PTPRD: variants seen among roughly 807,000 people sequenced by gnomAD.
PTPRD encodes receptor-type tyrosine-protein phosphatase delta.
PTPRD carries 34 observed loss-of-function variants against 214.5 expected under a neutral mutation model. The ratio of observed to expected loss-of-function variants is 0.16; its 90% CI spans 0.12 to 0.21. The LOEUF (loss-of-function observed/expected upper bound fraction) is 0.21. PTPRD is among the 10% of genes least tolerant of loss of function. The pLI is 1.00. For synonymous variants in PTPRD, 1,128 were observed against 845.7 expected (o/e 1.33, Z -5.79); for missense variants, 2,545 against 2,398.7 (o/e 1.06, Z -1.27).
At chr9:9,505,619 C>G (rs1427685912) in intron 8 of PTPRD, among the ~76,000 whole-genome samples, 1 of 151,462 alleles carries the variant, frequency 6.6e-6, no homozygotes, top group Non-Finnish European at 1.5e-5. Context: ...AATGGCCATA[C>G]TGCATTCTAT....
rs181044119 is a variant in PTPRD, at chr9:9,115,309, T to C, written c.-143+67995A>G. Among the ~76,000 whole-genome samples the C allele has an allele frequency of 7.2e-5, 11 of 152,160 alleles. No homozygotes were observed. In the East Asian group the frequency reaches 1.9e-3, roughly 27 times the overall value. ...GAAAATAATCTTACATAGAGGATAA[T>C]TATTTCCATGACATGAACAGACATT... is the stretch of plus-strand genomic sequence containing the variant. On this transcript the variant is annotated intron_variant, in intron 10 of 45. Coordinates refer to ENST00000381196, the MANE Select transcript of PTPRD (RefSeq NM_002839.4).
chr9:9,975,940 G>A (rs1324079642), intron 4 of PTPRD, among the ~76,000 whole-genome samples: 1 of 152,164 alleles, frequency 6.6e-6, no homozygotes, highest in Non-Finnish European at 1.5e-5. Flanking sequence ...TGCTACTAAC[G>A]TTAAGTGAAC....
chr9:10,218,675 A>C (rs1167413250), intron 3 of PTPRD, among the ~76,000 whole-genome samples: 1 of 151,828 alleles, frequency 6.6e-6, no homozygotes, highest in Non-Finnish European at 1.5e-5. Flanking sequence ...ATAATTGGAG[A>C]GTATACTCCA....
At chr9:9,661,377 T>C (rs1014618365) in intron 7 of PTPRD, among the ~76,000 whole-genome samples, 1 of 151,908 alleles carries the variant, frequency 6.6e-6, no homozygotes, top group African/African-American at 2.4e-5. Flanking sequence ...ATTCAGTTCA[T>C]CTCTTTCTTA....
At chr9:8,713,658 GCACCGCGCCC>G in intron 12 of PTPRD, 1 of 1,516,508 alleles carries the variant, frequency 6.6e-7, no homozygotes, top group Non-Finnish European at 9.1e-7. Flanking sequence ...TGGGCGCCCG[GCACCGCGCCC>G]GGGCCCACTC....
chr9:9,562,601 C>G (rs1785428561), intron 8 of PTPRD, among the ~76,000 whole-genome samples: 1 of 152,126 alleles, frequency 6.6e-6, no homozygotes, highest in Admixed American at 6.5e-5. Context: ...GCACTGTCCT[C>G]TTTGCTATTT....
chr9:8,361,197 CA>C (rs1176672155), intron 39 of PTPRD, among the ~76,000 whole-genome samples: 5 of 152,114 alleles, frequency 3.3e-5, no homozygotes, highest in African/African-American at 4.8e-5. Context: ...AATGAAGTAG[CA>C]GAACATTTTA....
At chr9:9,240,676 T>G (rs1398993106) in intron 9 of PTPRD, among the ~76,000 whole-genome samples, 1 of 152,180 alleles carries the variant, frequency 6.6e-6, no homozygotes, top group Non-Finnish European at 1.5e-5. Flanking sequence ...CAGTAAGTGA[T>G]GCTAAACTTT....
At chr9:8,595,369 A>G (rs2094424768) in intron 14 of PTPRD, among the ~76,000 whole-genome samples, 1 of 152,154 alleles carries the variant, frequency 6.6e-6, no homozygotes, top group Non-Finnish European at 1.5e-5. Context: ...GCTTATTTGA[A>G]CCATATACCT....
intron 5 of PTPRD, among the ~76,000 whole-genome samples, chr9:9,818,226 A>G (rs912359): frequency 0.56 from 84,375 of 151,488 alleles, 26,302 homozygotes; most frequent in East Asian, 0.88. Context: ...TAAATGGTGA[A>G]ATCTCCAAAA....
intron 8 of PTPRD, among the ~76,000 whole-genome samples, chr9:9,429,905 A>C (rs1040622891): frequency 3.3e-5 from 5 of 152,302 alleles, no homozygotes; most frequent in Admixed American, 6.5e-5. Flanking sequence ...TGTATCTCAA[A>C]ATAATAATAG....
At chr9:8,559,183 G>T (rs1437680781) in intron 14 of PTPRD, among the ~76,000 whole-genome samples, 1 of 152,130 alleles carries the variant, frequency 6.6e-6, no homozygotes, top group Non-Finnish European at 1.5e-5. Flanking sequence ...ATAAGTTCTA[G>T]CATTCAATAG....
At chr9:10,230,968 T>C (rs1346185776) in intron 3 of PTPRD, among the ~76,000 whole-genome samples, 3 of 151,946 alleles carry the variant, frequency 2.0e-5, no homozygotes, top group African/African-American at 7.2e-5. Flanking sequence ...CTACTTGAAG[T>C]TCCTTTGGGT....
At chr9:10,171,184 A>G (rs534728918) in intron 3 of PTPRD, among the ~76,000 whole-genome samples, 1 of 152,260 alleles carries the variant, frequency 6.6e-6, no homozygotes, top group South Asian at 2.1e-4. Context: ...CAACTTCTTA[A>G]ATACTCATTT....
intron 2 of PTPRD, among the ~76,000 whole-genome samples, chr9:10,401,008 A>T (rs919269412): frequency 1.3e-5 from 2 of 151,646 alleles, no homozygotes; most frequent in African/African-American, 4.8e-5. Context: ...TCAGGTCAAG[A>T]CCCAATAAAA....
At chr9:8,635,962 G>A (rs1199585455) in intron 13 of PTPRD, among the ~76,000 whole-genome samples, 3 of 152,144 alleles carry the variant, frequency 2.0e-5, no homozygotes, top group South Asian at 2.1e-4. Context: ...CACCATCTTC[G>A]CTGCACTGAG....
At chr9:10,451,953 A>G (rs1198273579) in intron 2 of PTPRD, among the ~76,000 whole-genome samples, 3 of 152,012 alleles carry the variant, frequency 2.0e-5, no homozygotes, top group Non-Finnish European at 4.4e-5. Flanking sequence ...AAGAAGGAGA[A>G]GCAAATATGA....
chr9:10,471,245 T>C (rs749539172), intron 2 of PTPRD, among the ~76,000 whole-genome samples: 7 of 152,048 alleles, frequency 4.6e-5, no homozygotes, highest in Non-Finnish European at 8.8e-5. Flanking sequence ...TGTATACCTA[T>C]GTAATTAACC....
intron 10 of PTPRD, among the ~76,000 whole-genome samples, chr9:9,019,601 G>A (rs1254060005): frequency 6.6e-6 from 1 of 152,130 alleles, no homozygotes; most frequent in Non-Finnish European, 1.5e-5. Flanking sequence ...AGCTACTCAG[G>A]AGGCTGAGGC....
Sources: allele counts gnomAD v4.1 joint callset (sites outside exome capture counted in the v4.1 genomes callset), GRCh38; gene constraint gnomAD v4.1.1; transcripts MANE v1.5; gene names NCBI Gene and HGNC (gene_info 2026-07-23, HGNC 2026-07-21).